The following SLC14A2 variants were observed in gnomAD, a reference collection of about 807,000 sequenced individuals.
The protein encoded by SLC14A2 is solute carrier family 14 member 2, also known as urea transporter 2.
SLC14A2 carries 91 observed loss-of-function variants against 104.6 expected under a neutral mutation model. The observed-to-expected ratio is 0.87, with a 90% CI of 0.73 to 1.04. The LOEUF (loss-of-function observed/expected upper bound fraction) is 1.04, where lower values mean the gene tolerates loss of function less well. Among genes scored for constraint, SLC14A2 ranks in the 50% least tolerant of loss-of-function variants. The probability of loss-of-function intolerance (pLI) is 0.00; values close to 1 mark genes in which losing one functional copy is unlikely to be tolerated. For synonymous variants in SLC14A2, 476 were observed against 466.4 expected, an observed-to-expected ratio of 1.02 and a Z score of -0.27; for missense variants, 1,189 against 1,156.0, an observed-to-expected ratio of 1.03 and a Z score of -0.41.
rs2045236117 is a variant in SLC14A2 at position 45,624,941 on chromosome 18, G to T, written c.150+127G>T. 8.7e-6 allele frequency: 8 copies of T among 915,188 alleles called. No individual in the cohort carries two copies. In the South Asian group the frequency reaches 1.4e-4, roughly 16 times the overall value. The allele number at this position is 915,188 out of a possible 1,614,324, so 56.7% of individuals were successfully genotyped here. A position where few individuals can be genotyped will look rare whatever the true frequency, so the allele number is the denominator to read the frequency against. On this transcript the variant is annotated intron_variant, in intron 2 of 19. Transcript: ENST00000255226. ...TGAGGAAGTGCCACTGTCAGTACAT[G>T]GTGACACCCATGGTGGGTCCTACCT...
intron 2 of SLC14A2, among the ~76,000 whole-genome samples, chr18:45,552,170 G>T (rs1343034952): frequency 6.6e-6 from 1 of 152,136 alleles, no homozygotes; most frequent in Non-Finnish European, 1.5e-5. Context: ...AGATACAAGG[G>T]ACACAGGAGA....
intron 2 of SLC14A2, among the ~76,000 whole-genome samples, chr18:45,587,128 C>A (rs948172372): frequency 6.6e-6 from 1 of 152,108 alleles, no homozygotes; most frequent in Admixed American, 6.5e-5. Context: ...GCACATACCA[C>A]CACACCCGGC....
At chr18:45,198,650 C>T in the SLC14A2 span, among the ~76,000 whole-genome samples, 1 of 152,112 alleles carries the variant, frequency 6.6e-6, no homozygotes, top group Non-Finnish European at 1.5e-5. Flanking sequence ...GCTCTTTTCT[C>T]TCTTACACAG....
At chr18:45,431,446 A>G (rs2086513471) in intron 1 of SLC14A2, among the ~76,000 whole-genome samples, 1 of 152,224 alleles carries the variant, frequency 6.6e-6, no homozygotes, top group African/African-American at 2.4e-5. Flanking sequence ...TGGCAGGATT[A>G]TCAAAAGAAG....
In SLC14A2 at chr18:45,271,987, C is replaced by A. The variant is rs117298408; in HGVS notation, c.-125+58796C>A. ...TGGAACAGAATAGAGAACCCAGAAA[C>A]AAATCCATACATGTATAGTAAACTC... is the stretch of plus-strand genomic sequence containing the variant. On this transcript the variant is annotated intron_variant, in intron 1 of 20. Transcript: ENST00000586448. Among the ~76,000 whole-genome samples the A allele has an allele frequency of 4.3e-4, 65 of 151,984 alleles. No individual in the cohort carries two copies. In the East Asian group the frequency reaches 0.012, roughly 27 times the overall value.
chr18:45,374,568 G>A (rs1456143439), intron 1 of SLC14A2, among the ~76,000 whole-genome samples: 5 of 150,720 alleles, frequency 3.3e-5, no homozygotes, highest in African/African-American at 1.2e-4. Flanking sequence ...AAAAGATAAG[G>A]AGTCAGAAAT....
At chr18:45,604,133 G>A (rs1347060638) in intron 2 of SLC14A2, among the ~76,000 whole-genome samples, 1 of 152,216 alleles carries the variant, frequency 6.6e-6, no homozygotes, top group Non-Finnish European at 1.5e-5. Flanking sequence ...TGTTGCCTAT[G>A]TAGTGCCATT....
At chr18:45,404,304 T>C (rs1374294938) in intron 1 of SLC14A2, among the ~76,000 whole-genome samples, 2 of 152,168 alleles carry the variant, frequency 1.3e-5, no homozygotes, top group Non-Finnish European at 2.9e-5. Context: ...GATAGAAATT[T>C]TTGTATTATG....
chr18:45,301,949 C>A (rs1198526752), intron 1 of SLC14A2, among the ~76,000 whole-genome samples: 2 of 152,180 alleles, frequency 1.3e-5, no homozygotes, highest in East Asian at 3.9e-4. Flanking sequence ...TGAAATTCCA[C>A]CCTAGAGTCA....
chr18:45,543,196 G>T (rs2043916518), intron 2 of SLC14A2, among the ~76,000 whole-genome samples: 2 of 151,888 alleles, frequency 1.3e-5, no homozygotes, highest in Admixed American at 6.6e-5. Context: ...TGATCTTCCT[G>T]CCCAGCCTCC....
At chr18:45,618,957 A>AGG (rs1209525377) in intron 1 of SLC14A2, among the ~76,000 whole-genome samples, 1 of 152,204 alleles carries the variant, frequency 6.6e-6, no homozygotes, top group Non-Finnish European at 1.5e-5. Flanking sequence ...GGAGAAAATA[A>AGG]TCAGGAAAAG....
At chr18:45,230,495 G>A (rs1469690421) in intron 1 of SLC14A2, among the ~76,000 whole-genome samples, 1 of 152,116 alleles carries the variant, frequency 6.6e-6, no homozygotes, top group East Asian at 1.9e-4. Context: ...TCTGGTCACA[G>A]CCAGGAAAGA....
Position 45,622,700 on chromosome 18 carries a change from A to G in SLC14A2, c.-34-1931A>G, listed in dbSNP as rs73423791. On this transcript the variant is annotated intron_variant, in intron 1 of 19. Transcript: ENST00000255226. ...GGAGCAACCAGAGAGGGGAGCAGAT[A>G]TAACGGCCAAAGAGTGTGTCAAAGA... Among the ~76,000 whole-genome samples the G allele has an allele frequency of 6.0e-3, 918 of 152,296 alleles. 11 individuals carry two copies. Among genetic ancestry groups the G allele is most frequent in the African/African-American group, 0.019 (802 of 41,558 alleles).
chr18:45,477,421 C>G (rs2144687090), intron 1 of SLC14A2, among the ~76,000 whole-genome samples: 1 of 152,236 alleles, frequency 6.6e-6, no homozygotes, highest in African/African-American at 2.4e-5. Context: ...GTCTGTCGAC[C>G]CCTGCTAGGA....
At chr18:45,328,085 A>C (rs1246321539) in intron 1 of SLC14A2, among the ~76,000 whole-genome samples, 1 of 152,186 alleles carries the variant, frequency 6.6e-6, no homozygotes, top group African/African-American at 2.4e-5. Context: ...GGAAGAAAAA[A>C]AAATGTTGTT....
chr18:45,312,215 G>A (rs2085085886), intron 1 of SLC14A2, among the ~76,000 whole-genome samples: 1 of 152,088 alleles, frequency 6.6e-6, no homozygotes, highest in Non-Finnish European at 1.5e-5. Context: ...TTAACGTGGT[G>A]TTTTTCTCAC....
chr18:45,336,578 G>A (rs144802376), intron 1 of SLC14A2, among the ~76,000 whole-genome samples: 46 of 152,228 alleles, frequency 3.0e-4, no homozygotes, highest in African/African-American at 1.1e-3. Context: ...TCTTGCCTCT[G>A]TCCCCCTGTT....
rs142176842 is a variant in SLC14A2, at chr18:45,496,435, A to G, written c.-35+13113A>G. Among the ~76,000 whole-genome samples, 147 of 152,254 alleles carry G rather than the reference A, an allele frequency of 9.7e-4. 1 individual carries two copies. Among genetic ancestry groups the G allele is most frequent in the African/African-American group, 3.2e-3 (133 of 41,528 alleles). On this transcript the variant is annotated intron_variant, in intron 2 of 20. Coordinates refer to the SLC14A2 transcript ENST00000586448. ...TGTCAGTGTGGGTGGGCACCATCCA[A>G]TTGGCTGCCAGGGTAGCTAGAACAA...
intron 1 of SLC14A2, among the ~76,000 whole-genome samples, chr18:45,280,571 G>T (rs2084752242): frequency 1.3e-5 from 2 of 152,102 alleles, no homozygotes; most frequent in African/African-American, 4.8e-5. Context: ...CATTCTGGGT[G>T]ATGTGTCTAC....
Sources: allele counts gnomAD v4.1 joint callset (sites outside exome capture counted in the v4.1 genomes callset), GRCh38; gene constraint gnomAD v4.1.1; transcripts MANE v1.5; gene names NCBI Gene and HGNC (gene_info 2026-07-23, HGNC 2026-07-21).